Variants in PDE1C observed in about 807,000 individuals in gnomAD.
PDE1C encodes the protein phosphodiesterase 1C, also known as dual specificity calcium/calmodulin-dependent 3',5'-cyclic nucleotide phosphodiesterase 1C.
In PDE1C, 62 loss-of-function variants were observed where a neutral mutation model predicts 93.1. That is an observed-to-expected ratio of 0.67 (90% CI 0.54 to 0.82). The LOEUF (loss-of-function observed/expected upper bound fraction) is 0.82, where lower values mean the gene tolerates loss of function less well. Ranked by LOEUF, PDE1C falls within the 40% of genes least tolerant of loss-of-function variation. The pLI is 0.00. For synonymous variants in PDE1C, 325 were observed against 310.1 expected (o/e 1.05, Z -0.50); for missense variants, 742 against 884.6 (o/e 0.84, Z 2.04).
chr7:31,733,423 G>A, the PDE1C span, among the ~76,000 whole-genome samples: 1 of 152,118 alleles, frequency 6.6e-6, no homozygotes, highest in African/African-American at 2.4e-5. Flanking sequence ...TTTTTCTGAT[G>A]CTCCTATTTA....
At chr7:32,267,596 T>A (rs1168052227) in intron 1 of PDE1C, among the ~76,000 whole-genome samples, 1,547 of 66,288 alleles carry the variant, frequency 0.023, 36 homozygotes, top group African/African-American at 0.054. Flanking sequence ...ACTCTCTCTC[T>A]CTCTCTCTCT....
intron 7 of PDE1C, among the ~76,000 whole-genome samples, chr7:31,860,536 T>C (rs780234924): frequency 6.6e-6 from 1 of 152,208 alleles, no homozygotes; most frequent in Non-Finnish European, 1.5e-5. Flanking sequence ...ATTAAATGTA[T>C]TACCTTTTCT....
At chr7:32,023,729 A>G (rs1447077985) in intron 2 of PDE1C, among the ~76,000 whole-genome samples, 1 of 152,114 alleles carries the variant, frequency 6.6e-6, no homozygotes, top group East Asian at 1.9e-4. Flanking sequence ...AGAGATAAAG[A>G]ACAGAGTAAC....
At chr7:32,400,985 T>C (rs1489910938) in intron 1 of PDE1C, among the ~76,000 whole-genome samples, 1 of 152,216 alleles carries the variant, frequency 6.6e-6, no homozygotes, top group African/African-American at 2.4e-5. Context: ...TTGAGTAAAA[T>C]GTGTTTTCCA....
intron 3 of PDE1C, among the ~76,000 whole-genome samples, chr7:32,088,586 G>A (rs776771851): frequency 3.3e-5 from 5 of 152,240 alleles, no homozygotes; most frequent in African/African-American, 4.8e-5. Context: ...CCCATCAGAC[G>A]ACGCTTTGCT....
intron 3 of PDE1C, among the ~76,000 whole-genome samples, chr7:32,135,593 T>C (rs550449906): frequency 6.6e-6 from 1 of 152,302 alleles, no homozygotes; most frequent in South Asian, 2.1e-4. Context: ...TAAGTGGCTA[T>C]TATCAAGAAG....
rs531933802 is a variant in PDE1C at position 32,181,789 on chromosome 7, T to C, written c.137-11833A>G. On this transcript the variant is annotated intron_variant, in intron 2 of 18. Coordinates refer to the PDE1C transcript ENST00000396193. The stretch of plus-strand genomic sequence containing the variant: ...TCAAAAGCTAGCAGAAGGCAAGAAA[T>C]AACTAAGATCAGAGCAGAACTGAAG... Among the ~76,000 whole-genome samples the C allele has an allele frequency of 2.9e-3, 435 of 151,946 alleles. 2 individuals are homozygous for C. The highest frequency in any genetic ancestry group is 0.01 in the African/African-American group (415 of 41,416).
intron 1 of PDE1C, among the ~76,000 whole-genome samples, chr7:32,063,292 CTAA>C (rs1795019291): frequency 6.6e-6 from 1 of 152,172 alleles, no homozygotes; most frequent in Admixed American, 6.5e-5. Flanking sequence ...TTGCATTAAC[CTAA>C]TAACAATTAT....
At chr7:31,971,098 C>T (rs771081619) in intron 2 of PDE1C, among the ~76,000 whole-genome samples, 3 of 152,066 alleles carry the variant, frequency 2.0e-5, no homozygotes, top group Non-Finnish European at 4.4e-5. Context: ...GCCAAGATCG[C>T]GCTACTGCAC....
chr7:31,671,838 C>T, the PDE1C span, among the ~76,000 whole-genome samples: 1 of 152,168 alleles, frequency 6.6e-6, no homozygotes, highest in Non-Finnish European at 1.5e-5. Flanking sequence ...TCTAATAGAA[C>T]ACCGGAACCA....
chr7:31,955,270 T>C (rs2129020114), intron 2 of PDE1C, among the ~76,000 whole-genome samples: 1 of 152,334 alleles, frequency 6.6e-6, no homozygotes, highest in African/African-American at 2.4e-5. Context: ...TCACGTATGA[T>C]TAATCACACT....
the PDE1C span, among the ~76,000 whole-genome samples, chr7:31,648,973 A>G: frequency 1.3e-5 from 2 of 152,348 alleles, no homozygotes; most frequent in African/African-American, 4.8e-5. Flanking sequence ...GGTCTACAAG[A>G]TCTTTTCTGG....
intron 1 of PDE1C, among the ~76,000 whole-genome samples, chr7:32,233,396 A>T (rs1279397652): frequency 6.6e-6 from 1 of 152,188 alleles, no homozygotes; most frequent in Non-Finnish European, 1.5e-5. Context: ...AGAAATTGTG[A>T]GACAGACTTT....
intron 1 of PDE1C, among the ~76,000 whole-genome samples, chr7:32,213,639 T>C: frequency 6.6e-6 from 1 of 152,224 alleles, no homozygotes; most frequent in East Asian, 1.9e-4. Context: ...CACTGCTGCT[T>C]GCCTTGCATG....
At chr7:31,894,799 C>T (rs948029845) in intron 2 of PDE1C, among the ~76,000 whole-genome samples, 1 of 152,088 alleles carries the variant, frequency 6.6e-6, no homozygotes, top group African/African-American at 2.4e-5. Flanking sequence ...TTCCCCCATA[C>T]CCCCTGCCAA....
chr7:32,199,518 A>C (rs28542263), intron 2 of PDE1C, among the ~76,000 whole-genome samples: 19,204 of 152,038 alleles, frequency 0.13, 1,265 homozygotes, highest in South Asian at 0.19. Flanking sequence ...TCAGATATAT[A>C]TTTCTTCTGG....
At chr7:31,789,965 T>A (rs1228253907) in intron 16 of PDE1C, 1 of 1,228,028 alleles carries the variant, frequency 8.1e-7, no homozygotes, top group African/African-American at 1.6e-5. Context: ...CCCCTTCATG[T>A]TTTGTTTCTG....
At chr7:31,910,456 T>C (rs1217370214) in intron 2 of PDE1C, among the ~76,000 whole-genome samples, 1 of 152,148 alleles carries the variant, frequency 6.6e-6, no homozygotes, top group Admixed American at 6.6e-5. Flanking sequence ...CTCCACCCCA[T>C]ACTCCAGAAG....
At chr7:31,624,751 C>T in the PDE1C span, among the ~76,000 whole-genome samples, 7 of 151,766 alleles carry the variant, frequency 4.6e-5, no homozygotes, top group African/African-American at 1.7e-4. Context: ...GCAATGGCAA[C>T]AAAAGCCAAA....
Sources: allele counts gnomAD v4.1 joint callset (sites outside exome capture counted in the v4.1 genomes callset), GRCh38; gene constraint gnomAD v4.1.1; transcripts MANE v1.5; gene names NCBI Gene and HGNC (gene_info 2026-07-23, HGNC 2026-07-21).